MARCHF4: variants seen among roughly 807,000 people sequenced by gnomAD.
MARCHF4 encodes the protein membrane associated ring-CH-type finger 4.
Under a neutral mutation model 43.9 loss-of-function variants are expected in MARCHF4, and 14 were observed. The observed-to-expected ratio is 0.32, with a 90% CI of 0.21 to 0.50. MARCHF4 has a LOEUF of 0.50. MARCHF4 is among the 20% of genes least tolerant of loss of function. The pLI is 0.98. For missense variants in MARCHF4, 468 were observed against 536.7 expected (o/e 0.87, Z 1.27); for synonymous variants, 226 against 213.3 (o/e 1.06, Z -0.52).
chr2:216,344,420 G>T (rs191687072), intron 1 of MARCHF4, among the ~76,000 whole-genome samples: 2 of 152,124 alleles, frequency 1.3e-5, no homozygotes, highest in Admixed American at 6.5e-5. Flanking sequence ...AATGGGGAAG[G>T]GCCCAAAGTT....
chr2:216,320,596 C>T (rs2105962748), intron 1 of MARCHF4, among the ~76,000 whole-genome samples: 1 of 146,658 alleles, frequency 6.8e-6, no homozygotes, highest in South Asian at 2.3e-4. Flanking sequence ...GGTTGTAGAG[C>T]TATAGCCTCT....
chr2:216,287,515 C>T (rs62178750), intron 1 of MARCHF4, among the ~76,000 whole-genome samples: 7,761 of 151,570 alleles, frequency 0.051, 337 homozygotes, highest in South Asian at 0.19. Context: ...GGGATCTTCT[C>T]TAATCATCTG....
At chr2:216,359,555 G>A (rs1486620304) in intron 1 of MARCHF4, among the ~76,000 whole-genome samples, 1 of 152,164 alleles carries the variant, frequency 6.6e-6, no homozygotes, top group Admixed American at 6.5e-5. Flanking sequence ...ACAACCCCAA[G>A]TATGCCCACT....
At chr2:216,352,364 C>T (rs1369281045) in intron 1 of MARCHF4, among the ~76,000 whole-genome samples, 2 of 152,180 alleles carry the variant, frequency 1.3e-5, no homozygotes, top group Non-Finnish European at 2.9e-5. Flanking sequence ...CTCAGCTGCC[C>T]CAGCAGATGC....
intron 1 of MARCHF4, among the ~76,000 whole-genome samples, chr2:216,313,956 G>C (rs1367901634): frequency 1.3e-5 from 2 of 152,188 alleles, no homozygotes; most frequent in African/African-American, 2.4e-5. Context: ...AGAAGAGACA[G>C]TGGGGCTGGA....
chr2:216,268,454 T>TCTTGTG (rs1420953965), intron 3 of MARCHF4, among the ~76,000 whole-genome samples: 5 of 152,176 alleles, frequency 3.3e-5, no homozygotes, highest in African/African-American at 9.7e-5. Flanking sequence ...CCCATGCTGT[T>TCTTGTG]CTTGTGATAG....
At position 216,301,158 on chromosome 2, in the gene MARCHF4, A is replaced by G. The variant is rs532221888; in HGVS notation, c.517-17429T>C. Among the ~76,000 whole-genome samples, 5 of 152,300 alleles carry G rather than the reference A, an allele frequency of 3.3e-5. No individual in the cohort carries two copies. The East Asian group carries it at 9.6e-4, about 29-fold the overall frequency. On this transcript the variant is annotated intron_variant, in intron 1 of 3. Coordinates refer to ENST00000273067, the MANE Select transcript of MARCHF4 (RefSeq NM_020814.3). Reference sequence around the variant, plus strand: ...CTGTGAAAGCATCATGGTAGGAGGTACAGGGAAGAGTTGGTCTGCTCCCCC... The same window carrying G: ...CTGTGAAAGCATCATGGTAGGAGGTGCAGGGAAGAGTTGGTCTGCTCCCCC...
intron 2 of MARCHF4, 49 bp from the exon 3 acceptor site, chr2:216,277,913 C>T (rs746170144): frequency 1.7e-5 from 26 of 1,514,698 alleles, no homozygotes; most frequent in Non-Finnish European, 2.3e-5. Context: ...TGCCCTTATC[C>T]CATTCCCACC....
At chr2:216,279,991 C>T (rs1433652120) in intron 2 of MARCHF4, among the ~76,000 whole-genome samples, 2 of 152,102 alleles carry the variant, frequency 1.3e-5, no homozygotes, top group Non-Finnish European at 2.9e-5. Flanking sequence ...AATATAGAGG[C>T]CCAGAAAGCT....
At chr2:216,343,576 T>C (rs574135412) in intron 1 of MARCHF4, among the ~76,000 whole-genome samples, 3 of 152,238 alleles carry the variant, frequency 2.0e-5, no homozygotes, top group Admixed American at 6.5e-5. Flanking sequence ...GTCAGACACA[T>C]TGTGAGGCTG....
At chr2:216,289,328 G>A (rs112512556) in intron 1 of MARCHF4, among the ~76,000 whole-genome samples, 496 of 145,780 alleles carry the variant, frequency 3.4e-3, no homozygotes, top group African/African-American at 0.012. Context: ...TGTTGAAGAT[G>A]CTGTATTAGC....
intron 1 of MARCHF4, among the ~76,000 whole-genome samples, chr2:216,325,572 A>C (rs1181610853): frequency 1.3e-5 from 2 of 152,186 alleles, no homozygotes; most frequent in Admixed American, 6.5e-5. Flanking sequence ...ACTATACTAC[A>C]AGGCTACAGT....
chr2:216,355,263 C>T (rs900146366), intron 1 of MARCHF4, among the ~76,000 whole-genome samples: 7 of 152,200 alleles, frequency 4.6e-5, no homozygotes, highest in African/African-American at 7.2e-5. Context: ...TGAGCCACTG[C>T]GCCCGGCCCT....
intron 1 of MARCHF4, among the ~76,000 whole-genome samples, chr2:216,350,607 G>A (rs1039709952): frequency 5.3e-5 from 8 of 151,970 alleles, no homozygotes; most frequent in Non-Finnish European, 8.8e-5. Context: ...AGGTGCCTGC[G>A]GGCCCCTTCT....
intron 3 of MARCHF4, among the ~76,000 whole-genome samples, chr2:216,263,229 C>T (rs1690771541): frequency 6.6e-6 from 1 of 152,188 alleles, no homozygotes; most frequent in Non-Finnish European, 1.5e-5. Context: ...GAATTCAAGA[C>T]CAGCCAGGCC....
chr2:216,353,569 A>G (rs924237166), intron 1 of MARCHF4, among the ~76,000 whole-genome samples: 2 of 151,968 alleles, frequency 1.3e-5, no homozygotes, highest in African/African-American at 4.8e-5. Flanking sequence ...TTTTTCTGCG[A>G]TGGAGTCTTA....
rs573886244 is a variant in MARCHF4 at position 216,322,244 on chromosome 2, C to A, written c.517-38515G>T. ...AACTTACCAGGAGATAATGAAAAAG[C>A]AAGAGGTGGACCTCAAGTCATTAGG... On this transcript the variant is annotated intron_variant, in intron 1 of 3. Transcript: ENST00000273067. Among the ~76,000 whole-genome samples the A allele has an allele frequency of 1.3e-4, 20 of 152,290 alleles. No individual in the cohort carries two copies. In the South Asian group the frequency reaches 4.1e-3, roughly 32 times the overall value.
At chr2:216,353,255 A>T (rs1394021781) in intron 1 of MARCHF4, among the ~76,000 whole-genome samples, 2 of 152,242 alleles carry the variant, frequency 1.3e-5, no homozygotes, top group African/African-American at 2.4e-5. Context: ...TTAGCCCCAA[A>T]TTCACTAGAA....
At chr2:216,313,130 A>C (rs1008441456) in intron 1 of MARCHF4, among the ~76,000 whole-genome samples, 8 of 152,192 alleles carry the variant, frequency 5.3e-5, no homozygotes, top group Non-Finnish European at 1.2e-4. Context: ...CATTAACTGA[A>C]TAGGGTGTCC....
Sources: allele counts gnomAD v4.1 joint callset (sites outside exome capture counted in the v4.1 genomes callset), GRCh38; gene constraint gnomAD v4.1.1; transcripts MANE v1.5; gene names NCBI Gene and HGNC (gene_info 2026-07-23, HGNC 2026-07-21).